Variants in OVOL3 observed in about 807,000 individuals in gnomAD.
OVOL3 encodes the protein putative transcription factor ovo-like protein 3.
Under a neutral mutation model 13.6 loss-of-function variants are expected in OVOL3, and 15 were observed. The observed-to-expected ratio is 1.11, with a 90% CI of 0.74 to 1.70. The LOEUF is 1.70. OVOL3 is among the 40% of genes most tolerant of loss of function. The probability of loss-of-function intolerance (pLI) is 0.00; values close to 1 mark genes in which losing one functional copy is unlikely to be tolerated. For synonymous variants in OVOL3, 102 were observed against 108.5 expected, an observed-to-expected ratio of 0.94 and a Z score of 0.37; for missense variants, 290 against 280.6, an observed-to-expected ratio of 1.03 and a Z score of -0.24.
In OVOL3 at chr19:36,111,426, G is replaced by A. The variant is rs1225177431; in HGVS notation, c.152G>A (p.Trp51Ter). 1.3e-5 allele frequency: 20 copies of A among 1,535,968 alleles called. No individual in the cohort carries two copies. Among genetic ancestry groups the A allele is most frequent in the Non-Finnish European group, 1.6e-5 (18 of 1,146,828 alleles). Residue 51 changes from tryptophan (W) to a stop codon, truncating the protein, a stop_gained, in exon 2 of 4, where the codon TGG (tryptophan) becomes TAG (stop). Coordinates refer to ENST00000633214, the MANE Select transcript of OVOL3 (RefSeq NM_001302757.2). LOFTEE classifies it high-confidence loss of function. ...CAGTCGTCCAGTGTCAGGGATCCGTGGACAGCGGTGAGTGTGTAACTGGCT... is the reference window on the plus strand; with the variant it reads ...CAGTCGTCCAGTGTCAGGGATCCGTAGACAGCGGTGAGTGTGTAACTGGCT... ...AQQSSSVRDPWTAQPTQGNLT... is the reference protein window; with the variant it reads ...AQQSSSVRDP
chr19:36,111,177 T>G lies in OVOL3; in HGVS notation c.-26T>G. 6.6e-7 allele frequency: 1 copy of G among 1,512,430 alleles called. No individual in the cohort carries two copies. The allele number at this position is 1,512,430 out of a possible 1,614,324, so 93.7% of individuals were successfully genotyped here. A position where few individuals can be genotyped will look rare whatever the true frequency, so the allele number is the denominator to read the frequency against. On this transcript the variant is annotated 5_prime_UTR_variant, in exon 1 of 4. Transcript: ENST00000633214. ...TCTGACAGCAGGTGGAAGCAGCCCC[T>G]GTGTGTGGAGAGCCTTCCGGAGGGC...
Position 36,113,609 on chromosome 19 carries a change from G to C in OVOL3, c.521G>C (p.Ser174Thr). 6.5e-7 allele frequency: 1 copy of C among 1,542,358 alleles called. No individual in the cohort carries two copies. Among genetic ancestry groups the C allele is most frequent in the Non-Finnish European group, 8.7e-7 (1 of 1,146,896 alleles). ...LHVCEDCGFT[S>T]SRPDTYAQHR... is the part of the protein sequence containing the mutation. The stretch of plus-strand genomic sequence containing the variant: ...GTGTGCGAGGACTGCGGCTTCACCA[G>C]CTCCCGGCCCGACACCTACGCACAG... The change falls in exon 4 of 4, where the codon AGC (serine) becomes ACC (threonine). Residue 174 changes from serine (S) to threonine (T), a missense_variant. By Grantham distance (58) the Ser-to-Thr change is moderately conservative. Coordinates refer to ENST00000633214, the MANE Select transcript of OVOL3 (RefSeq NM_001302757.2).
chr19:36,112,788 C>T lies in OVOL3; in HGVS notation c.188C>T (p.Ala63Val). The T allele has an allele frequency of 6.5e-7, 1 of 1,534,850 alleles. No homozygotes were observed. The highest frequency in any genetic ancestry group is 8.7e-7 in the Non-Finnish European group (1 of 1,146,674). Residue 63 changes from alanine (A) to valine (V), a missense_variant, in exon 3 of 4, where the codon GCT becomes GTT. Ala to Val is a moderately conservative substitution (Grantham distance 64). Transcript: ENST00000633214. ...AQPTQGNLTSAPRGPGTLGCP... is the reference protein window; with the variant it reads ...AQPTQGNLTSVPRGPGTLGCP... The stretch of plus-strand genomic sequence containing the variant: ...CCCACACAGGGCAACCTGACCTCTG[C>T]TCCCAGGGGCCCTGGGACGCTGGGC...
chr19:36,111,480 G>A (rs529106682), intron 2 of OVOL3, 47 bp downstream of exon 2: 3 of 1,522,860 alleles, frequency 2.0e-6, no homozygotes, highest in Non-Finnish European at 1.8e-6. Context: ...GCTCCTGCCT[G>A]CTCTCAGCCT....
At chr19:36,112,042 A>G (rs1011711854) in intron 2 of OVOL3, among the ~76,000 whole-genome samples, 2 of 152,148 alleles carry the variant, frequency 1.3e-5, no homozygotes, top group Non-Finnish European at 2.9e-5. Flanking sequence ...CTCTACTAAA[A>G]TTACAAACAT....
At chr19:36,112,736 C>A in intron 2 of OVOL3, 24 bp from the exon 3 acceptor site, 1 of 1,521,068 alleles carries the variant, frequency 6.6e-7, no homozygotes, top group Non-Finnish European at 8.8e-7. Flanking sequence ...GCCAGAGAGG[C>A]TAATAACTCC....
At position 36,113,462 on chromosome 19, in the gene OVOL3, C is replaced by A; in HGVS notation, c.374C>A (p.Pro125His). The change falls in exon 4 of 4, where the codon CCC becomes CAC. Residue 125 changes from proline to histidine, a missense_variant. Transcript: ENST00000633214. The part of the protein sequence containing the change: ...RHMRTHTGIR[P>H]FRCSACGKAF... ...GCGCCCATCTGTGCAGGGATCCGGC[C>A]CTTCCGCTGCAGTGCTTGCGGGAAA... is the stretch of plus-strand genomic sequence containing the variant. 1 of 1,535,044 alleles carries A rather than the reference C, an allele frequency of 6.5e-7. No individual in the cohort carries two copies. Among genetic ancestry groups the A allele is most frequent in the East Asian group, 2.4e-5 (1 of 40,868 alleles).
At chr19:36,111,460 C>T in intron 2 of OVOL3, 27 bp downstream of exon 2, 1 of 1,534,278 alleles carries the variant, frequency 6.5e-7, no homozygotes, top group Non-Finnish European at 8.7e-7. Context: ...CTAGCAAAGC[C>T]AGCTGTTTCG....
intron 2 of OVOL3, chr19:36,111,906 TG>T (rs1490054998): frequency 7.5e-5 from 34 of 454,604 alleles, no homozygotes; most frequent in Non-Finnish European, 1.2e-4. Flanking sequence ...ATATTCTGGT[TG>T]GGGCTGCATG....
Position 36,112,965 on chromosome 19 carries a change from G to T in OVOL3, c.364+1G>T. 6.5e-7 allele frequency: 1 copy of T among 1,535,580 alleles called. No homozygotes were observed. The highest frequency in any genetic ancestry group is 8.7e-7 in the Non-Finnish European group (1 of 1,146,280). ...AAGCGCCACATGAGGACTCACACTGGTGAGCAGTGGCAGGGACAGGGAAAA... is the reference window on the plus strand; with the variant it reads ...AAGCGCCACATGAGGACTCACACTGTTGAGCAGTGGCAGGGACAGGGAAAA... On this transcript the variant is annotated splice_donor_variant, in intron 3 of 3. Coordinates refer to ENST00000633214, the MANE Select transcript of OVOL3 (RefSeq NM_001302757.2). LOFTEE classifies it high-confidence loss of function.
chr19:36,112,038 TA>T, intron 2 of OVOL3, among the ~76,000 whole-genome samples: 1 of 150,362 alleles, frequency 6.7e-6, no homozygotes, highest in East Asian at 2.0e-4. Context: ...TTGTCTCTAC[TA>T]AAATTACAAA....
intron 3 of OVOL3, 23 bp from the exon 4 acceptor site, chr19:36,113,430 C>T (rs1184593550): frequency 1.3e-6 from 2 of 1,523,598 alleles, no homozygotes; most frequent in South Asian, 1.2e-5. Flanking sequence ...GTCCAGCCCT[C>T]CCCTCTGCGC....
chr19:36,113,153 T>G (rs548172260), intron 3 of OVOL3, among the ~76,000 whole-genome samples, 189 bp downstream of exon 3: 38 of 152,256 alleles, frequency 2.5e-4, no homozygotes, highest in African/African-American at 8.4e-4. Flanking sequence ...TGTCACGGAA[T>G]GCAGAGTGCA....
chr19:36,112,832 GC>G lies in OVOL3; in HGVS notation c.234del (p.Phe79SerfsTer7). ...GCTGGGCTGCCCGCTCTGCCCTAAG[GC>G]CTTCCCTCTGCAGCGCATGCTGACA... ...GTLGCPLCPK[A>X]FPLQRMLTRH... On this transcript the variant is annotated frameshift_variant, in exon 3 of 4. Coordinates refer to ENST00000633214, the MANE Select transcript of OVOL3 (RefSeq NM_001302757.2). LOFTEE classifies it high-confidence loss of function. 7 of 1,535,946 alleles carry G rather than the reference GC, an allele frequency of 4.6e-6. No individual in the cohort carries two copies. The highest frequency in any genetic ancestry group is 6.1e-6 in the Non-Finnish European group (7 of 1,146,898).
At chr19:36,111,791 G>A (rs1475554832) in intron 2 of OVOL3, 1 of 493,204 alleles carries the variant, frequency 2.0e-6, no homozygotes, top group Non-Finnish European at 4.0e-6. Flanking sequence ...AGGAAGGAAA[G>A]CGCCAGCCGG....
At chr19:36,112,448 AG>A (rs1973844814) in intron 2 of OVOL3, among the ~76,000 whole-genome samples, 1 of 151,968 alleles carries the variant, frequency 6.6e-6, no homozygotes, top group Non-Finnish European at 1.5e-5. Flanking sequence ...TGAACCCGGG[AG>A]GCGGAGGTTG....
At chr19:36,113,011 G>A (rs1973861770) in intron 3 of OVOL3, 47 bp downstream of exon 3, 1 of 1,513,180 alleles carries the variant, frequency 6.6e-7, no homozygotes, top group African/African-American at 1.4e-5. Context: ...CCCAGGTGGG[G>A]ATGGAAGGAA....
chr19:36,112,777 C>A lies in OVOL3; in HGVS notation c.177C>A (p.Asn59Lys). 1 of 1,534,504 alleles carries A rather than the reference C, an allele frequency of 6.5e-7. No homozygotes were observed. Among genetic ancestry groups the A allele is most frequent in the Non-Finnish European group, 8.7e-7 (1 of 1,146,628 alleles). ...DPWTAQPTQG[N>K]LTSAPRGPGT... ...CCCTCCAGCAGCCCACACAGGGCAA[C>A]CTGACCTCTGCTCCCAGGGGCCCTG... The change falls in exon 3 of 4, where the codon AAC becomes AAA. Residue 59 changes from asparagine (N) to lysine (K), a missense_variant. Transcript: ENST00000633214.
intron 1 of OVOL3, 33 bp from the exon 2 acceptor site, chr19:36,111,336 G>A: frequency 6.5e-7 from 1 of 1,535,478 alleles, no homozygotes; most frequent in Non-Finnish European, 8.7e-7. Flanking sequence ...GGGCAGGAGA[G>A]ACGCAGTGTC....
Sources: gnomAD v4.1 joint callset for allele counts (sites outside exome capture counted in the v4.1 genomes callset) on GRCh38, gnomAD v4.1.1 for gene constraint, MANE v1.5 for transcripts, NCBI Gene and HGNC (gene_info 2026-07-23, HGNC 2026-07-21) for gene names.